TBC1D2B: variants seen among roughly 807,000 people sequenced by gnomAD.
TBC1D2B encodes TBC1 domain family member 2B, also known as TBC1 domain family, member 2B.
In TBC1D2B, 64 loss-of-function variants were observed where a neutral mutation model predicts 100.8. The observed-to-expected ratio is 0.64, with a 90% confidence interval of 0.52 to 0.78. TBC1D2B has a LOEUF of 0.78. Ranked by LOEUF, TBC1D2B falls within the 30% of genes least tolerant of loss-of-function variation. The pLI, the probability that TBC1D2B is intolerant of heterozygous loss-of-function variation, is 0.00. For synonymous variants in TBC1D2B, 480 were observed against 479.7 expected (o/e 1.00, Z -0.01); for missense variants, 1,052 against 1,218.4 (o/e 0.86, Z 2.03).
intron 1 of TBC1D2B, among the ~76,000 whole-genome samples, chr15:78,071,896 A>T (rs1274376014): frequency 6.6e-6 from 1 of 152,240 alleles, no homozygotes; most frequent in Non-Finnish European, 1.5e-5. Flanking sequence ...TGGAATGTCC[A>T]AAATCAAGGT....
Position 78,017,941 on chromosome 15 carries a change from T to C in TBC1D2B, c.1487A>G (p.Tyr496Cys). Residue 496 changes from tyrosine to cysteine, a missense_variant, in exon 7 of 13, where the codon TAC (tyrosine) becomes TGC (cysteine). Around this residue, in one of 4 missense-constraint regions of TBC1D2B, gnomAD observed 627 missense variants for 646.1 expected, o/e 0.97. Transcript: ENST00000300584. ...LDRLKDNLQG[Y>C]KTQNKFLNKE... ...ATTTAGAAATTTGTTTTGGGTTTTG[T>C]ACCCCTGTAGATTATCCTGTTAGAA... The C allele has an allele frequency of 6.2e-7, 1 of 1,600,056 alleles. No individual in the cohort carries two copies. The highest frequency in any genetic ancestry group is 1.3e-5 in the African/African-American group (1 of 74,800).
chr15:78,061,637 C>T (rs1253852275), intron 1 of TBC1D2B, among the ~76,000 whole-genome samples: 1 of 148,504 alleles, frequency 6.7e-6, no homozygotes, highest in Non-Finnish European at 1.5e-5. Context: ...TGGTCAAATA[C>T]CTGGAAAAAA....
chr15:78,027,781 C>G (rs2072708518), intron 4 of TBC1D2B, among the ~76,000 whole-genome samples: 1 of 152,246 alleles, frequency 6.6e-6, no homozygotes, highest in East Asian at 1.9e-4. Flanking sequence ...TTTCAATAAC[C>G]CAAATCCCCA....
At chr15:78,056,684 C>CT (rs1450407859) in intron 1 of TBC1D2B, among the ~76,000 whole-genome samples, 2 of 121,564 alleles carry the variant, frequency 1.6e-5, no homozygotes, top group African/African-American at 6.2e-5. Flanking sequence ...CCCAGTCCTC[C>CT]TCTTTTTTTT....
chr15:78,003,219 G>C, intron 11 of TBC1D2B, 86 bp downstream of exon 11: 7 of 1,269,214 alleles, frequency 5.5e-6, no homozygotes, highest in Non-Finnish European at 7.9e-6. Flanking sequence ...ATAAGTTCCA[G>C]GTGAGCCAGC....
At chr15:78,028,545 T>C (rs894845450) in intron 4 of TBC1D2B, among the ~76,000 whole-genome samples, 2 of 152,220 alleles carry the variant, frequency 1.3e-5, no homozygotes, top group Admixed American at 6.5e-5. Flanking sequence ...ATGGAGAATT[T>C]TATGAATGAA....
chr15:77,996,601 T>A lies in TBC1D2B; in HGVS notation c.*1559A>T, dbSNP rs1440742760. On this transcript the variant is annotated 3_prime_UTR_variant, in exon 13 of 13. Transcript: ENST00000300584. ...GCTAAATATAGAGGCCAGCTCCGTC[T>A]ACCCAGTGAAACATTAGTGGAGTTG... 6.6e-6 allele frequency: 1 copy of A among 152,272 alleles called. No homozygotes were observed. The highest frequency in any genetic ancestry group is 6.5e-5 in the Admixed American group (1 of 15,288). 9.4% of individuals were successfully genotyped at this position (152,272 alleles called of 1,614,324 possible).
chr15:78,010,631 G>C (rs1260479145), intron 9 of TBC1D2B, among the ~76,000 whole-genome samples: 2 of 151,986 alleles, frequency 1.3e-5, no homozygotes, highest in African/African-American at 4.8e-5. Context: ...CAAATTGAGA[G>C]ACAGGACTCG....
At position 78,055,655 on chromosome 15, in the gene TBC1D2B, T is replaced by C. The variant is rs139911338; in HGVS notation, c.361-1468A>G. 3.1e-3 allele frequency among the ~76,000 whole-genome samples: 468 copies of C among 152,312 alleles called. 4 individuals carry two copies. Among genetic ancestry groups the C allele is most frequent in the African/African-American group, 0.011 (446 of 41,560 alleles). ...ACAACCTGGGTCTTTTTAGTGATAC[T>C]TGCACACCTGGCCCCAGTTAAAGAA... On this transcript the variant is annotated intron_variant, in intron 1 of 12. Coordinates refer to ENST00000300584, the MANE Select transcript of TBC1D2B (RefSeq NM_144572.2).
At chr15:78,044,186 AATTG>A (rs1291470167) in intron 3 of TBC1D2B, among the ~76,000 whole-genome samples, 1 of 152,244 alleles carries the variant, frequency 6.6e-6, no homozygotes, top group Non-Finnish European at 1.5e-5. Context: ...AACATTTAAA[AATTG>A]ATTGTGGTGA....
chr15:78,057,568 C>T (rs540108930), intron 1 of TBC1D2B, among the ~76,000 whole-genome samples: 2 of 152,236 alleles, frequency 1.3e-5, no homozygotes, highest in South Asian at 4.2e-4. Flanking sequence ...ACTGCTTGAA[C>T]CCAGGAAACG....
intron 2 of TBC1D2B, among the ~76,000 whole-genome samples, chr15:78,050,816 T>TG (rs1403291779): frequency 2.6e-5 from 4 of 152,242 alleles, no homozygotes; most frequent in Non-Finnish European, 5.9e-5. Context: ...AAAAAATTAA[T>TG]GTAAGCAACT....
At chr15:78,077,144 G>T in intron 1 of TBC1D2B, 149 bp downstream of exon 1, 1 of 1,118,724 alleles carries the variant, frequency 8.9e-7, no homozygotes, top group Non-Finnish European at 1.2e-6. Context: ...TAGGAACGAG[G>T]GCGGGATGTG....
At chr15:78,077,062 G>C (rs2073839825) in intron 1 of TBC1D2B, among the ~76,000 whole-genome samples, 1 of 152,244 alleles carries the variant, frequency 6.6e-6, no homozygotes, top group Admixed American at 6.5e-5. Flanking sequence ...AATGGGTCAA[G>C]GTGTCTGAGA....
intron 8 of TBC1D2B, among the ~76,000 whole-genome samples, chr15:78,014,347 C>T (rs2072313191): frequency 1.3e-5 from 2 of 152,146 alleles, no homozygotes; most frequent in South Asian, 2.1e-4. Context: ...TGCTGCTGAG[C>T]GTAAACTTAC....
chr15:78,017,146 T>A (rs2141671302), intron 7 of TBC1D2B: 1 of 163,614 alleles, frequency 6.1e-6, no homozygotes, highest in South Asian at 1.9e-4. Flanking sequence ...AGCTCCCATC[T>A]GCCACCTTAT....
intron 7 of TBC1D2B, 123 bp from the exon 8 acceptor site, chr15:78,016,862 G>T: frequency 1.3e-6 from 1 of 754,056 alleles, no homozygotes; most frequent in Non-Finnish European, 2.0e-6. Context: ...GAGACAGACT[G>T]TAGCAAAGAC....
intron 6 of TBC1D2B, among the ~76,000 whole-genome samples, chr15:78,021,756 T>C (rs1042086806): frequency 1.3e-5 from 2 of 151,378 alleles, no homozygotes; most frequent in African/African-American, 4.8e-5. Flanking sequence ...ACTTGTTAAG[T>C]TGAGAAATGT....
chr15:77,999,977 A>G (rs1360579204), intron 12 of TBC1D2B, among the ~76,000 whole-genome samples: 1 of 151,692 alleles, frequency 6.6e-6, no homozygotes, highest in African/African-American at 2.4e-5. Flanking sequence ...TGACCACACA[A>G]CTCCCTCCCT....
Sources: gnomAD v4.1 joint callset for allele counts (sites outside exome capture counted in the v4.1 genomes callset) on GRCh38, gnomAD v4.1.1 for gene constraint, gnomAD v4.1.1 regional missense constraint, MANE v1.5 for transcripts, NCBI Gene and HGNC (gene_info 2026-07-23, HGNC 2026-07-21) for gene names.